FAAH2: variants seen among roughly 807,000 people sequenced by gnomAD.
FAAH2 encodes the protein fatty-acid amide hydrolase 2.
In FAAH2, 60 loss-of-function variants were observed where a neutral mutation model predicts 36.9. The ratio of observed to expected loss-of-function variants is 1.63; its 90% confidence interval spans 1.32 to 2.02. The LOEUF (loss-of-function observed/expected upper bound fraction) is 2.02, where lower values mean the gene tolerates loss of function less well. Ranked by LOEUF, FAAH2 falls within the 30% of genes most tolerant of loss-of-function variation. The pLI, the probability that FAAH2 is intolerant of heterozygous loss-of-function variation, is 0.00. For missense variants in FAAH2, 689 were observed against 397.5 expected, an observed-to-expected ratio of 1.73 and a Z score of -6.23; for synonymous variants, 214 against 143.8, an observed-to-expected ratio of 1.49 and a Z score of -3.49.
intron 4 of FAAH2, among the ~76,000 whole-genome samples, chrX:57,334,268 T>TCACACACACACACACA (rs60873866): frequency 0.062 from 5,295 of 85,532 alleles, 176 homozygotes; most frequent in Non-Finnish European, 0.068. Context: ...AGATTCCGTC[T>TCACACACACACACACA]CACACACACA....
chrX:57,338,580 CAA>C (rs1569272572), intron 4 of FAAH2, among the ~76,000 whole-genome samples: 1 of 111,499 alleles, frequency 9.0e-6, no homozygotes, highest in Non-Finnish European at 1.9e-5. Context: ...GATACAAACT[CAA>C]TGTGCAAAAA....
the FAAH2 span, among the ~76,000 whole-genome samples, chrX:57,202,694 C>T: frequency 1.8e-5 from 2 of 111,808 alleles, no homozygotes; most frequent in African/African-American, 6.5e-5. Context: ...GGTGGTAAAT[C>T]CAGCCAGGCC....
chrX:57,173,453 C>G, the FAAH2 span, among the ~76,000 whole-genome samples: 19 of 112,162 alleles, frequency 1.7e-4, no homozygotes, highest in Non-Finnish European at 3.2e-4. Context: ...ACTGAATTCA[C>G]TTATCAGATG....
the FAAH2 span, among the ~76,000 whole-genome samples, chrX:57,202,188 G>C: frequency 7.1e-5 from 8 of 111,911 alleles, no homozygotes; most frequent in Non-Finnish European, 1.9e-5. Context: ...GGATGCTCTT[G>C]ATACTTGTAA....
chrX:57,173,433 A>G, the FAAH2 span, among the ~76,000 whole-genome samples: 1 of 112,257 alleles, frequency 8.9e-6, no homozygotes, highest in African/African-American at 3.2e-5. Context: ...TACTTTTGTA[A>G]TCAGACTTTA....
intron 7 of FAAH2, chrX:57,393,030 C>G (rs2055203985): frequency 1.1e-6 from 1 of 901,407 alleles, no homozygotes; most frequent in East Asian, 3.1e-5. Context: ...GGGTGCTTGT[C>G]CTGCTCTCTG....
intron 2 of FAAH2, among the ~76,000 whole-genome samples, chrX:57,296,515 GA>G (rs905662706): frequency 2.7e-5 from 3 of 111,288 alleles, no homozygotes; most frequent in African/African-American, 9.8e-5. Context: ...AAACAGAGCG[GA>G]AAAACCAGAA....
chrX:57,274,372 C>A, the FAAH2 span, among the ~76,000 whole-genome samples: 1 of 111,978 alleles, frequency 8.9e-6, no homozygotes, highest in Non-Finnish European at 1.9e-5. Context: ...CTATTCCAAT[C>A]AATAGAAAAA....
chrX:57,242,325 G>A, the FAAH2 span, among the ~76,000 whole-genome samples: 3 of 112,586 alleles, frequency 2.7e-5, no homozygotes, highest in Non-Finnish European at 5.6e-5. Flanking sequence ...AGGGTCTGGA[G>A]TGGACCTCCG....
the FAAH2 span, among the ~76,000 whole-genome samples, chrX:57,238,608 A>G: frequency 9.0e-6 from 1 of 111,617 alleles, no homozygotes; most frequent in Non-Finnish European, 1.9e-5. Flanking sequence ...ACAAACCTGC[A>G]CAGGTACCCC....
chrX:57,298,785 T>A, intron 2 of FAAH2, among the ~76,000 whole-genome samples: 1 of 85,833 alleles, frequency 1.2e-5, no homozygotes, highest in East Asian at 3.8e-4. Context: ...TCACCACTGA[T>A]CCCACAGAAA....
the FAAH2 span, among the ~76,000 whole-genome samples, chrX:57,123,933 C>T: frequency 7.2e-5 from 8 of 111,387 alleles, no homozygotes; most frequent in Non-Finnish European, 1.3e-4. Flanking sequence ...ATTGCAAAAA[C>T]TTTCTCCCAT....
At chrX:57,236,115 C>T in the FAAH2 span, among the ~76,000 whole-genome samples, 1 of 111,940 alleles carries the variant, frequency 8.9e-6, no homozygotes, top group Admixed American at 9.5e-5. Context: ...CTGTGCCTCG[C>T]TTATTTTCCT....
At chrX:57,203,042 G>A in the FAAH2 span, among the ~76,000 whole-genome samples, 2 of 111,879 alleles carry the variant, frequency 1.8e-5, no homozygotes, top group Non-Finnish European at 3.8e-5. Context: ...CAGTGGTGGA[G>A]ACCATAACCC....
intron 10 of FAAH2, among the ~76,000 whole-genome samples, chrX:57,479,343 T>C (rs1055854054): frequency 8.9e-6 from 1 of 112,212 alleles, no homozygotes; most frequent in African/African-American, 3.2e-5. Flanking sequence ...GATTTTTGTA[T>C]CTTGAGACTT....
chrX:57,466,156 C>CTCTCTATATATATA (rs1287266105), intron 10 of FAAH2, among the ~76,000 whole-genome samples: 191 of 66,374 alleles, frequency 2.9e-3, no homozygotes, highest in Middle Eastern at 0.014. Context: ...CTCTCTCTCT[C>CTCTCTATATATATA]TATATATATA....
chrX:57,253,564 G>A, the FAAH2 span, among the ~76,000 whole-genome samples: 2 of 111,828 alleles, frequency 1.8e-5, no homozygotes, highest in East Asian at 2.8e-4. Flanking sequence ...AACGAACAGT[G>A]GATCTCTTGG....
chrX:57,399,295 G>T (rs753858687), intron 7 of FAAH2, among the ~76,000 whole-genome samples: 43 of 111,760 alleles, frequency 3.8e-4, no homozygotes, highest in Non-Finnish European at 7.1e-4. Flanking sequence ...AAAAGGCCTG[G>T]TCCAGTAAAT....
At chrX:57,455,595 T>C (rs183221600) in intron 10 of FAAH2, among the ~76,000 whole-genome samples, 1 of 111,538 alleles carries the variant, frequency 9.0e-6, no homozygotes, top group East Asian at 2.8e-4. Context: ...AGTAAAAGGA[T>C]GGAGAAAGAT....
Sources: allele counts gnomAD v4.1 joint callset (sites outside exome capture counted in the v4.1 genomes callset), GRCh38; gene constraint gnomAD v4.1.1; transcripts MANE v1.5; gene names NCBI Gene and HGNC (gene_info 2026-07-23, HGNC 2026-07-21).